Variants in SYN3 observed in about 807,000 individuals in gnomAD.
The protein encoded by SYN3 is synapsin-3.
SYN3 carries 35 observed loss-of-function variants against 65.8 expected under a neutral mutation model. The ratio of observed to expected loss-of-function variants is 0.53; its 90% CI spans 0.41 to 0.70. The LOEUF (loss-of-function observed/expected upper bound fraction) is 0.70. Among genes scored for constraint, SYN3 ranks in the 30% least tolerant of loss-of-function variants. The pLI is 0.00. For missense variants in SYN3, 680 were observed against 749.0 expected, an observed-to-expected ratio of 0.91 and a Z score of 1.08; for synonymous variants, 270 against 292.9, an observed-to-expected ratio of 0.92 and a Z score of 0.80.
intron 4 of SYN3, among the ~76,000 whole-genome samples, chr22:32,892,169 G>A (rs532900022): frequency 6.4e-4 from 97 of 151,990 alleles, no homozygotes; most frequent in Non-Finnish European, 1.1e-3. Context: ...GGTGGCACAC[G>A]CCTGTAATCC....
intron 6 of SYN3, among the ~76,000 whole-genome samples, chr22:32,829,132 A>G (rs902187841): frequency 5.1e-4 from 78 of 152,280 alleles, no homozygotes; most frequent in African/African-American, 1.8e-3. Context: ...TGAAAGAGGA[A>G]CTGCTTAATT....
chr22:32,800,681 C>A (rs1185119156), intron 6 of SYN3, among the ~76,000 whole-genome samples: 1 of 152,214 alleles, frequency 6.6e-6, no homozygotes, highest in Non-Finnish European at 1.5e-5. Flanking sequence ...CAGCTCACCC[C>A]CAAATCCCTT....
intron 6 of SYN3, among the ~76,000 whole-genome samples, chr22:32,600,877 G>C (rs925515711): frequency 6.6e-6 from 1 of 152,030 alleles, no homozygotes; most frequent in East Asian, 1.9e-4. Context: ...AGTAGAGACC[G>C]GGTTTCACTA....
chr22:33,035,342 CCCG>C lies in SYN3; in HGVS notation c.-163+22947_-163+22949del, dbSNP rs200754003. 7.7e-4 allele frequency among the ~76,000 whole-genome samples: 84 copies of C among 109,170 alleles called. 1 individual carries two copies. The highest frequency in any genetic ancestry group is 3.6e-3 in the African/African-American group (75 of 20,890). 71.6% of individuals were successfully genotyped at this position (109,170 alleles called of 152,430 possible). On this transcript the variant is annotated intron_variant, in intron 1 of 13. Coordinates refer to ENST00000358763, the MANE Select transcript of SYN3 (RefSeq NM_003490.4). Reference sequence around the variant, plus strand: ...TAAAAATCTCGGGACCCCCCCCCCCCCCGCCACCAAACTTCTTATGCAAAAGGG... The same window carrying C: ...TAAAAATCTCGGGACCCCCCCCCCCCCCACCAAACTTCTTATGCAAAAGGG...
At chr22:32,955,471 C>T (rs1475042189) in intron 3 of SYN3, among the ~76,000 whole-genome samples, 3 of 152,164 alleles carry the variant, frequency 2.0e-5, no homozygotes, top group Non-Finnish European at 4.4e-5. Flanking sequence ...GGGGCCCAGG[C>T]AAAGGCCTTG....
intron 6 of SYN3, among the ~76,000 whole-genome samples, chr22:32,716,236 T>C (rs544857407): frequency 6.6e-6 from 1 of 152,256 alleles, no homozygotes; most frequent in Admixed American, 6.5e-5. Context: ...CCTTCCTGTC[T>C]GTCTACTTGG....
chr22:32,541,767 C>T, intron 7 of SYN3, 54 bp from the exon 8 acceptor site: 8 of 1,575,456 alleles, frequency 5.1e-6, no homozygotes, highest in East Asian at 2.3e-5. Flanking sequence ...TCACTGAGCC[C>T]ACCCTATGCC....
chr22:32,581,675 T>G (rs986642314), intron 7 of SYN3, among the ~76,000 whole-genome samples: 4 of 152,178 alleles, frequency 2.6e-5, no homozygotes, highest in Admixed American at 2.0e-4. Flanking sequence ...ATACAGTGTT[T>G]CAAAAGATTT....
intron 6 of SYN3, among the ~76,000 whole-genome samples, chr22:32,771,612 G>C (rs1192794340): frequency 2.0e-5 from 3 of 152,196 alleles, no homozygotes; most frequent in Non-Finnish European, 4.4e-5. Context: ...ACAGGGGAGG[G>C]TCACAGGACA....
chr22:32,619,845 T>C (rs889281094), intron 6 of SYN3, among the ~76,000 whole-genome samples: 5 of 152,224 alleles, frequency 3.3e-5, no homozygotes, highest in African/African-American at 1.2e-4. Flanking sequence ...CCCGTAATCA[T>C]TTTGTGAACT....
At chr22:32,887,296 T>C (rs2146452341) in intron 4 of SYN3, among the ~76,000 whole-genome samples, 1 of 152,086 alleles carries the variant, frequency 6.6e-6, no homozygotes, top group Admixed American at 6.5e-5. Flanking sequence ...GAGGATCACT[T>C]GAGCCCAAGA....
At chr22:32,698,824 T>C (rs1314499603) in intron 6 of SYN3, among the ~76,000 whole-genome samples, 1 of 152,224 alleles carries the variant, frequency 6.6e-6, no homozygotes, top group Non-Finnish European at 1.5e-5. Flanking sequence ...ATACTATTTA[T>C]CTTCTCTGTA....
intron 3 of SYN3, among the ~76,000 whole-genome samples, chr22:32,971,910 G>C (rs993373274): frequency 1.3e-5 from 2 of 152,098 alleles, no homozygotes; most frequent in Admixed American, 1.3e-4. Context: ...AGAGGTCTCC[G>C]GCAACTCTGC....
At chr22:32,859,562 C>T in intron 6 of SYN3, 2 of 734,326 alleles carry the variant, frequency 2.7e-6, no homozygotes, top group East Asian at 2.8e-5. Flanking sequence ...CTGGCCCCAC[C>T]CTGCCCCTTC....
chr22:32,649,619 A>G (rs2146939511), intron 6 of SYN3, among the ~76,000 whole-genome samples: 1 of 152,222 alleles, frequency 6.6e-6, no homozygotes, highest in South Asian at 2.1e-4. Flanking sequence ...GCGGAACACA[A>G]CAAAACTAGC....
intron 3 of SYN3, among the ~76,000 whole-genome samples, chr22:32,936,763 G>A (rs1601731705): frequency 6.6e-6 from 1 of 152,154 alleles, no homozygotes; most frequent in South Asian, 2.1e-4. Flanking sequence ...GATCTAGGAC[G>A]ACCAGTTTGT....
At chr22:32,964,713 C>T (rs866974456) in intron 3 of SYN3, among the ~76,000 whole-genome samples, 7 of 152,104 alleles carry the variant, frequency 4.6e-5, no homozygotes, top group South Asian at 2.1e-4. Flanking sequence ...AAAAGTTAAA[C>T]GCATGAGGGC....
At chr22:32,993,771 T>C (rs1216088312) in intron 2 of SYN3, among the ~76,000 whole-genome samples, 1 of 152,204 alleles carries the variant, frequency 6.6e-6, no homozygotes, top group Non-Finnish European at 1.5e-5. Flanking sequence ...AACCTCACTG[T>C]TTCACATAGG....
intron 8 of SYN3, among the ~76,000 whole-genome samples, chr22:32,539,796 A>AAAG (rs1337491155): frequency 6.6e-6 from 1 of 151,808 alleles, no homozygotes; most frequent in African/African-American, 2.4e-5. Flanking sequence ...CTCAAGAAAA[A>AAAG]AAAAAACTGG....
Sources: gnomAD v4.1 joint callset for allele counts (sites outside exome capture counted in the v4.1 genomes callset) on GRCh38, gnomAD v4.1.1 for gene constraint, MANE v1.5 for transcripts, NCBI Gene and HGNC (gene_info 2026-07-23, HGNC 2026-07-21) for gene names.